GALNT13: variants seen among roughly 807,000 people sequenced by gnomAD.
The protein encoded by GALNT13 is UDP-GalNAc:polypeptide N-acetylgalactosaminyltransferase 13.
In GALNT13, 28 loss-of-function variants were observed where a neutral mutation model predicts 64.2. The ratio of observed to expected loss-of-function variants is 0.44; its 90% confidence interval spans 0.32 to 0.60. GALNT13 has a LOEUF of 0.60. GALNT13 is among the 20% of genes least tolerant of loss of function. The pLI is 0.05. For synonymous variants in GALNT13, 214 were observed against 224.6 expected (o/e 0.95, Z 0.42); for missense variants, 577 against 669.8 (o/e 0.86, Z 1.53).
At chr2:153,548,728 A>G in the GALNT13 span, among the ~76,000 whole-genome samples, 1 of 152,188 alleles carries the variant, frequency 6.6e-6, no homozygotes, top group Non-Finnish European at 1.5e-5. Flanking sequence ...ATCATGAGAA[A>G]TCCTGGGTAT....
the GALNT13 span, among the ~76,000 whole-genome samples, chr2:153,600,661 C>T: frequency 3.3e-5 from 5 of 151,988 alleles, no homozygotes; most frequent in African/African-American, 9.7e-5. Flanking sequence ...TCCAGTCTTT[C>T]ACAACTGAGA....
chr2:154,296,176 A>G (rs986628119), intron 8 of GALNT13, among the ~76,000 whole-genome samples: 1 of 152,128 alleles, frequency 6.6e-6, no homozygotes, highest in Non-Finnish European at 1.5e-5. Flanking sequence ...TCCAGATGCT[A>G]TTAAAGACCA....
At chr2:154,273,020 T>C (rs1691439795) in intron 8 of GALNT13, among the ~76,000 whole-genome samples, 1 of 152,196 alleles carries the variant, frequency 6.6e-6, no homozygotes, top group Admixed American at 6.6e-5. Flanking sequence ...TGGTTAATTT[T>C]AAAATGTTTG....
intron 9 of GALNT13, among the ~76,000 whole-genome samples, chr2:154,304,860 T>C (rs960613581): frequency 6.6e-6 from 1 of 152,302 alleles, no homozygotes; most frequent in Admixed American, 6.5e-5. Context: ...GTTGAAGATA[T>C]CTAAGAACTT....
the GALNT13 span, among the ~76,000 whole-genome samples, chr2:153,760,049 C>A: frequency 6.6e-6 from 1 of 151,892 alleles, no homozygotes; most frequent in South Asian, 2.1e-4. Flanking sequence ...TTATCCATTT[C>A]TTCTAATTTA....
At chr2:153,939,796 A>T (rs181900915) in intron 2 of GALNT13, among the ~76,000 whole-genome samples, 1 of 152,310 alleles carries the variant, frequency 6.6e-6, no homozygotes, top group Admixed American at 6.5e-5. Flanking sequence ...GCACTGTTAT[A>T]AGAGGTTACG....
At chr2:154,008,913 T>C (rs1308421204) in intron 3 of GALNT13, among the ~76,000 whole-genome samples, 2 of 152,202 alleles carry the variant, frequency 1.3e-5, no homozygotes, top group Admixed American at 1.3e-4. Flanking sequence ...TACGAGTGTA[T>C]GTGTTTTTAT....
At chr2:153,884,801 ATATATG>A (rs1402510728) in intron 1 of GALNT13, among the ~76,000 whole-genome samples, 1 of 104,970 alleles carries the variant, frequency 9.5e-6, no homozygotes, top group Non-Finnish European at 1.8e-5. Context: ...GTGTATATAT[ATATATG>A]TGTGTGTGTG....
downstream of GALNT13, among the ~76,000 whole-genome samples, chr2:154,456,361 G>T (rs1702033080): frequency 1.3e-5 from 2 of 152,094 alleles, no homozygotes; most frequent in Admixed American, 1.3e-4. Context: ...TGATATAATT[G>T]TTCTTTTGCT....
chr2:153,726,009 A>G, the GALNT13 span, among the ~76,000 whole-genome samples: 1 of 151,954 alleles, frequency 6.6e-6, no homozygotes, highest in Admixed American at 6.6e-5. Flanking sequence ...ACAATATTTG[A>G]TTATTATGTA....
chr2:154,418,550 A>G (rs1437991240), intron 11 of GALNT13, among the ~76,000 whole-genome samples: 2 of 152,192 alleles, frequency 1.3e-5, no homozygotes, highest in Non-Finnish European at 2.9e-5. Flanking sequence ...AGAACCTGGA[A>G]GAAGCAAGGG....
intron 1 of GALNT13, among the ~76,000 whole-genome samples, chr2:153,898,743 A>G (rs1008887732): frequency 7.9e-5 from 12 of 152,028 alleles, no homozygotes; most frequent in African/African-American, 2.9e-4. Context: ...TAACCAATCA[A>G]TAGCATGTGA....
At chr2:153,478,474 G>A in the GALNT13 span, 5 of 1,613,400 alleles carry the variant, frequency 3.1e-6, no homozygotes, top group South Asian at 1.1e-5. Context: ...GGACGCCTGG[G>A]TGCAGCAGCG....
chr2:153,606,857 G>A, the GALNT13 span, among the ~76,000 whole-genome samples: 3 of 146,078 alleles, frequency 2.1e-5, no homozygotes, highest in Non-Finnish European at 3.0e-5. Flanking sequence ...TCTGTGTCAT[G>A]TCGTCAGGTT....
intron 4 of GALNT13, among the ~76,000 whole-genome samples, chr2:154,191,628 A>T (rs1448786687): frequency 6.6e-6 from 1 of 152,154 alleles, no homozygotes; most frequent in Non-Finnish European, 1.5e-5. Flanking sequence ...TTCTGAAAAT[A>T]ACGTGATACC....
the GALNT13 span, among the ~76,000 whole-genome samples, chr2:153,560,627 CTA>C: frequency 6.6e-6 from 1 of 151,966 alleles, no homozygotes; most frequent in Non-Finnish European, 1.5e-5. Context: ...TTTATCATGA[CTA>C]AATTCTATAC....
At chr2:154,064,828 T>G (rs1004322446) in intron 3 of GALNT13, among the ~76,000 whole-genome samples, 2 of 152,116 alleles carry the variant, frequency 1.3e-5, no homozygotes, top group East Asian at 3.9e-4. Context: ...GAGGAAAGAT[T>G]CCTTCTGCTT....
At chr2:154,259,736 T>C (rs1690586751) in intron 8 of GALNT13, among the ~76,000 whole-genome samples, 1 of 152,228 alleles carries the variant, frequency 6.6e-6, no homozygotes, top group Admixed American at 6.5e-5. Flanking sequence ...TATTTTGTTA[T>C]ATTCAAAAAA....
At chr2:153,896,957 T>C (rs1687933165) in intron 1 of GALNT13, among the ~76,000 whole-genome samples, 1 of 152,184 alleles carries the variant, frequency 6.6e-6, no homozygotes, top group African/African-American at 2.4e-5. Flanking sequence ...TACCTTTTGT[T>C]CAGATTCAAC....
Sources: gnomAD v4.1 joint callset for allele counts (sites outside exome capture counted in the v4.1 genomes callset) on GRCh38, gnomAD v4.1.1 for gene constraint, MANE v1.5 for transcripts, NCBI Gene and HGNC (gene_info 2026-07-23, HGNC 2026-07-21) for gene names.